The following GPX4 variants were observed in gnomAD, a reference collection of about 807,000 sequenced individuals.
GPX4 encodes phospholipid hydroperoxide glutathione peroxidase GPX4.
In GPX4, 28 loss-of-function variants were observed where a neutral mutation model predicts 27.8. That is an observed-to-expected ratio of 1.01 (90% CI 0.75 to 1.38). The LOEUF is 1.38. Ranked by LOEUF, GPX4 falls within the 40% of genes most tolerant of loss-of-function variation. The pLI, the probability that GPX4 is intolerant of heterozygous loss-of-function variation, is 0.00. For synonymous variants in GPX4, 163 were observed against 107.8 expected (o/e 1.51, Z -3.17); for missense variants, 357 against 274.1 (o/e 1.30, Z -2.14).
chr19:1,105,008 A>G, intron 1 of GPX4, 178 bp from the exon 2 acceptor site: 1 of 1,460,268 alleles, frequency 6.8e-7, no homozygotes, highest in Non-Finnish European at 9.1e-7. Context: ...GGTCTCCGGT[A>G]AAACCGGACC....
Position 1,104,098 on chromosome 19 carries a change from C to A in GPX4, c.55C>A (p.Leu19Met). ...GAAGCCGGCGCTGCTCTGTGGGGCT[C>A]TGGCCGCGCCTGGCCTGGCCGGGAC... ...LLKPALLCGA[L>M]AAPGLAGTMC... Residue 19 changes from leucine to methionine, a missense_variant, in exon 1 of 7, where the codon CTG becomes ATG. Transcript: ENST00000354171. 1 of 1,506,428 alleles carries A rather than the reference C, an allele frequency of 6.6e-7. No homozygotes were observed. The highest frequency in any genetic ancestry group is 2.1e-5 in the Admixed American group (1 of 48,540). 93.3% of individuals were successfully genotyped at this position (1,506,428 alleles called of 1,614,324 possible).
chr19:1,104,120 G>A lies in GPX4; in HGVS notation c.77G>A (p.Gly26Glu). 2 of 1,483,568 alleles carry A rather than the reference G, an allele frequency of 1.3e-6. No homozygotes were observed. The highest frequency in any genetic ancestry group is 8.9e-7 in the Non-Finnish European group (1 of 1,123,544). 91.9% of individuals were successfully genotyped at this position (1,483,568 alleles called of 1,614,324 possible). Reference protein sequence around the residue: ...CGALAAPGLAGTMCASRDDWR... With the variant: ...CGALAAPGLAETMCASRDDWR... Reference sequence around the variant, plus strand: ...GCTCTGGCCGCGCCTGGCCTGGCCGGGACCATGGTGAGCTAGCGCCGCGGC... The same window carrying A: ...GCTCTGGCCGCGCCTGGCCTGGCCGAGACCATGGTGAGCTAGCGCCGCGGC... Residue 26 changes from glycine (G) to glutamate (E), a missense_variant, in exon 1 of 7, where the codon GGG (glycine) becomes GAG (glutamate). By Grantham distance (98) the Gly-to-Glu change is moderately conservative (BLOSUM62 -2). Coordinates refer to ENST00000354171, the MANE Select transcript of GPX4 (RefSeq NM_002085.5).
At position 1,105,394 on chromosome 19, in the gene GPX4, G is replaced by A. The variant is rs2079635976; in HGVS notation, c.208G>A (p.Ala70Thr). The stretch of plus-strand genomic sequence containing the variant: ...CTTCGTGTGCATCGTCACCAACGTG[G>A]CCTCCCAGTGAGGCAAGACCGAAGT... ...RGFVCIVTNVASQUGKTEVNY... is the reference protein window; with the variant it reads ...RGFVCIVTNVTSQUGKTEVNY... The change falls in exon 3 of 7, where the codon GCC becomes ACC. Residue 70 changes from alanine to threonine, a missense_variant. Physicochemically the swap from Ala to Thr is moderately conservative, Grantham distance 58. Coordinates refer to ENST00000354171, the MANE Select transcript of GPX4 (RefSeq NM_002085.5). 3.7e-6 allele frequency: 6 copies of A among 1,610,532 alleles called. No homozygotes were observed. Among genetic ancestry groups the A allele is most frequent in the African/African-American group, 1.3e-5 (1 of 74,900 alleles).
At chr19:1,105,103 C>T (rs549843877) in intron 1 of GPX4, 83 bp from the exon 2 acceptor site, 1 of 1,542,590 alleles carries the variant, frequency 6.5e-7, no homozygotes, top group African/African-American at 1.4e-5. Context: ...CCGCCACCGA[C>T]CCGCTCCCGA....
intron 1 of GPX4, chr19:1,104,470 T>A: frequency 2.9e-6 from 1 of 341,066 alleles, no homozygotes. Context: ...GGGGGCGGGG[T>A]CCGGGACGGC....
chr19:1,105,070 A>G, intron 1 of GPX4, 116 bp from the exon 2 acceptor site: 2 of 1,479,588 alleles, frequency 1.4e-6, no homozygotes, highest in South Asian at 1.2e-5. Context: ...TCAGGTCTTC[A>G]GGGCCGCAGG....
chr19:1,104,245 C>T, intron 1 of GPX4, 118 bp downstream of exon 1: 1 of 884,774 alleles, frequency 1.1e-6, no homozygotes, highest in East Asian at 3.3e-5. Context: ...TGGGGGGCGT[C>T]TGGGGGCTCC....
At chr19:1,106,074 C>G in intron 4 of GPX4, 168 bp from the exon 5 acceptor site, 1 of 682,026 alleles carries the variant, frequency 1.5e-6, no homozygotes. Context: ...TTGGGACTCT[C>G]ACACTGCATG....
rs1042863 is a variant in GPX4, at chr19:1,105,699, C to A, written c.366C>A (p.Gly122=). The A allele has an allele frequency of 1.9e-6, 3 of 1,612,290 alleles. No homozygotes were observed. Among genetic ancestry groups the A allele is most frequent in the Non-Finnish European group, 2.5e-6 (3 of 1,179,354 alleles). ...SNEEIKEFAA[G]YNVKFDMFSK... is the part of the protein sequence containing the mutation. ...AAGAGATCAAAGAGTTCGCCGCGGGCTACAACGTCAAATTCGATATGTTCA... is the reference window on the plus strand; with the variant it reads ...AAGAGATCAAAGAGTTCGCCGCGGGATACAACGTCAAATTCGATATGTTCA... Residue 122 remains glycine (G), a synonymous_variant, in exon 4 of 7, where the codon GGC becomes GGA. Coordinates refer to ENST00000354171, the MANE Select transcript of GPX4 (RefSeq NM_002085.5).
rs1202965845 is a variant in GPX4 at position 1,104,035 on chromosome 19, C to A, written c.-9C>A. 4 of 1,518,444 alleles carry A rather than the reference C, an allele frequency of 2.6e-6. No individual in the cohort carries two copies. The highest frequency in any genetic ancestry group is 2.6e-6 in the Non-Finnish European group (3 of 1,139,496). 94.1% of individuals were successfully genotyped at this position (1,518,444 alleles called of 1,614,324 possible). ...AGGGGAGGAGCCGCTGGCTCCCAGC[C>A]CCGCCGCGATGAGCCTCGGCCGCCT... is the stretch of plus-strand genomic sequence containing the variant. On this transcript the variant is annotated 5_prime_UTR_variant, in exon 1 of 7. Coordinates refer to ENST00000354171, the MANE Select transcript of GPX4 (RefSeq NM_002085.5).
intron 4 of GPX4, 128 bp from the exon 5 acceptor site, chr19:1,106,114 G>GC: frequency 2.4e-6 from 2 of 840,258 alleles, no homozygotes. Context: ...CTCTGGGGGG[G>GC]CTTGGGGGCA....
At chr19:1,104,941 GC>G in intron 1 of GPX4, 1 of 1,466,534 alleles carries the variant, frequency 6.8e-7, no homozygotes, top group Middle Eastern at 1.9e-4. Flanking sequence ...TGCGCGCGGG[GC>G]CCCCACACCG....
In GPX4 at chr19:1,104,977, G is replaced by T. The variant is rs768355562; in HGVS notation, c.85-209G>T. 23 of 1,478,858 alleles carry T rather than the reference G, an allele frequency of 1.6e-5. No individual in the cohort carries two copies. In the African/African-American group the frequency reaches 3.2e-4, roughly 21 times the overall value. 91.6% of individuals were successfully genotyped at this position (1,478,858 alleles called of 1,614,324 possible). ...GGCTAATGTGGCACATTTTGGGGTTGGAACCCTCTCCCGGCCTCCGGGTCT... is the reference window on the plus strand; with the variant it reads ...GGCTAATGTGGCACATTTTGGGGTTTGAACCCTCTCCCGGCCTCCGGGTCT... On this transcript the variant is annotated intron_variant, in intron 1 of 6. Coordinates refer to ENST00000354171, the MANE Select transcript of GPX4 (RefSeq NM_002085.5).
At chr19:1,106,054 T>TAACCCAGCTTTCCTCCCCGACA in intron 4 of GPX4, 188 bp from the exon 5 acceptor site, 1 of 381,248 alleles carries the variant, frequency 2.6e-6, no homozygotes, top group Admixed American at 6.0e-5. Context: ...CGGGGGCCTG[T>TAACCCAGCTTTCCTCCCCGACA]GGGGGGCTGT....
At position 1,105,280 on chromosome 19, in the gene GPX4, G is replaced by A. The variant is rs2079634272; in HGVS notation, c.179G>A (p.Arg60Gln). 1.2e-6 allele frequency: 2 copies of A among 1,612,984 alleles called. No individual in the cohort carries two copies. The highest frequency in any genetic ancestry group is 8.5e-7 in the Non-Finnish European group (1 of 1,179,900). ...CACATGGTTAACCTGGACAAGTACC[G>A]GTGGGCGCTCGCCTGGGGTGGGGCG... The part of the protein sequence containing the change: ...DGHMVNLDKY[R>Q]GFVCIVTNVA... The change falls in exon 2 of 7, where the codon CGG becomes CAG. Residue 60 changes from arginine to glutamine, a missense_variant and splice_region_variant. Physicochemically the swap from Arg to Gln is conservative, Grantham distance 43 (BLOSUM62 1). Transcript: ENST00000354171.
intron 3 of GPX4, 25 bp from the exon 4 acceptor site, chr19:1,105,633 C>G (rs1358959715): frequency 6.2e-7 from 1 of 1,610,348 alleles, no homozygotes; most frequent in South Asian, 1.1e-5. Context: ...GCCCCCGACT[C>G]ACTCACACAC....
intron 2 of GPX4, 36 bp from the exon 3 acceptor site, chr19:1,105,330 C>A: frequency 6.2e-7 from 1 of 1,612,424 alleles, no homozygotes; most frequent in Non-Finnish European, 8.5e-7. Context: ...GGGAGGGGGC[C>A]GTGTTCTTCT....
At chr19:1,104,179 G>A (rs1267259497) in intron 1 of GPX4, 52 bp downstream of exon 1, 2 of 1,353,552 alleles carry the variant, frequency 1.5e-6, no homozygotes, top group Non-Finnish European at 1.9e-6. Flanking sequence ...GGGCGGGCGC[G>A]CGATCCCTGC....
rs1046435919 is a variant in GPX4 at position 1,104,049 on chromosome 19, C to T, written c.6C>T (p.Ser2=). The part of the protein sequence containing the change: M[S]LGRLCRLLKP... The stretch of plus-strand genomic sequence containing the variant: ...TGGCTCCCAGCCCCGCCGCGATGAG[C>T]CTCGGCCGCCTTTGCCGCCTACTGA... The change falls in exon 1 of 7, where the codon AGC becomes AGT. Residue 2 remains serine, a synonymous_variant. Transcript: ENST00000354171. The T allele has an allele frequency of 7.9e-6, 12 of 1,520,064 alleles. No homozygotes were observed. The African/African-American group carries it at 1.7e-4, about 22-fold the overall frequency. The allele number at this position is 1,520,064 out of a possible 1,614,324, so 94.2% of individuals were successfully genotyped here. A position where few individuals can be genotyped will look rare whatever the true frequency, so the allele number is the denominator to read the frequency against.
Sources: gnomAD v4.1 joint callset for allele counts on GRCh38, gnomAD v4.1.1 for gene constraint, MANE v1.5 for transcripts, NCBI Gene and HGNC (gene_info 2026-07-23, HGNC 2026-07-21) for gene names.